MARK2: variants seen among roughly 807,000 people sequenced by gnomAD.
MARK2 encodes serine/threonine-protein kinase MARK2.
A neutral mutation model predicts 89.8 loss-of-function variants in MARK2; 16 were observed. That is an observed-to-expected ratio of 0.18 (90% CI 0.12 to 0.27). The LOEUF is 0.27. MARK2 is among the 10% of genes least tolerant of loss of function. The pLI, the probability that MARK2 is intolerant of heterozygous loss-of-function variation, is 1.00. For missense variants in MARK2, 621 were observed against 1,049.9 expected (o/e 0.59, Z 5.65); for synonymous variants, 382 against 399.5 (o/e 0.96, Z 0.52).
At chr11:63,874,877 T>TGA (rs1285583599) in intron 1 of MARK2, among the ~76,000 whole-genome samples, 1 of 152,150 alleles carries the variant, frequency 6.6e-6, no homozygotes, top group African/African-American at 2.4e-5. Context: ...GGAGTGTGTG[T>TGA]GAGGCCTTAG....
At chr11:63,892,872 G>A (rs577890473) in intron 1 of MARK2, among the ~76,000 whole-genome samples, 3 of 150,918 alleles carry the variant, frequency 2.0e-5, no homozygotes, top group African/African-American at 4.9e-5. Context: ...TGGGACTATA[G>A]GTGCATGCCA....
rs1940796834 is a variant in MARK2, at chr11:63,900,768, T to C, written c.889-12T>C. 4.3e-6 allele frequency: 7 copies of C among 1,614,066 alleles called. No individual in the cohort carries two copies. In the East Asian group the frequency reaches 1.6e-4, roughly 36 times the overall value. The stretch of plus-strand genomic sequence containing the variant: ...TCTTCCCCCTGCCCTTTTCCTTCTC[T>C]GTGCTCCCCAGCAAATCATGAAAGA... On this transcript the variant is annotated splice_polypyrimidine_tract_variant and intron_variant, in intron 9 of 18. Transcript: ENST00000402010. The surrounding 1 kb of genome is among the most constrained non-coding windows in gnomAD (Gnocchi z 4.7).
At chr11:63,881,397 G>T (rs1389649821) in intron 1 of MARK2, among the ~76,000 whole-genome samples, 2 of 152,174 alleles carry the variant, frequency 1.3e-5, no homozygotes, top group Non-Finnish European at 2.9e-5. Flanking sequence ...CGAATGCCTC[G>T]AAAGAGGGGA....
At chr11:63,859,351 G>T (rs1430391805) in intron 1 of MARK2, among the ~76,000 whole-genome samples, 1 of 148,532 alleles carries the variant, frequency 6.7e-6, no homozygotes, top group African/African-American at 2.5e-5. Flanking sequence ...AAGGAGTCCT[G>T]CTCTGTCACG....
chr11:63,895,914 C>T (rs894519623), intron 3 of MARK2, among the ~76,000 whole-genome samples: 1 of 152,122 alleles, frequency 6.6e-6, no homozygotes, highest in African/African-American at 2.4e-5. Context: ...AAGTGATCCG[C>T]TCGCCTCGGC....
chr11:63,884,646 G>A (rs1323071651), intron 1 of MARK2, among the ~76,000 whole-genome samples: 1 of 152,220 alleles, frequency 6.6e-6, no homozygotes, highest in Non-Finnish European at 1.5e-5. Flanking sequence ...AAAGGAATAT[G>A]GCTGTTTCTC....
chr11:63,864,114 C>T lies in MARK2; in HGVS notation c.54+24554C>T, dbSNP rs181153392. On this transcript the variant is annotated intron_variant, in intron 1 of 18. Transcript: ENST00000402010. ...GACTACAGGCGCCCGCCACCACTCC[C>T]GGCTAATTTTTTTGTATTTTTAGTA... is the stretch of plus-strand genomic sequence containing the variant. Among the ~76,000 whole-genome samples, 1,364 of 151,810 alleles carry T rather than the reference C, an allele frequency of 9.0e-3. 26 individuals carry two copies. The highest frequency in any genetic ancestry group is 0.03 in the African/African-American group (1,229 of 41,388).
At chr11:63,871,058 G>A (rs74709458) in intron 1 of MARK2, among the ~76,000 whole-genome samples, 114 of 152,332 alleles carry the variant, frequency 7.5e-4, no homozygotes, top group African/African-American at 2.6e-3. Context: ...ACATGTATAT[G>A]TGTATATACC....
At position 63,900,912 on chromosome 11, in the gene MARK2, GC is replaced by G. The variant is rs1323380672; in HGVS notation, c.988+35del. On this transcript the variant is annotated intron_variant, in intron 10 of 18. Coordinates refer to ENST00000402010, the MANE Select transcript of MARK2 (RefSeq NM_001039469.3). This position sits in a 1 kb window ranked among gnomAD's most constrained non-coding sequence, Gnocchi z 4.7. ...TGTGCCGGGCTGTGAGGTTAAGCTT[GC>G]CTAGGAGTTGAGGCCAGTCTTAACT... The G allele has an allele frequency of 6.2e-7, 1 of 1,612,952 alleles. No individual in the cohort carries two copies. Among genetic ancestry groups the G allele is most frequent in the Non-Finnish European group, 8.5e-7 (1 of 1,178,898 alleles).
chr11:63,890,049 CA>C (rs1939708665), intron 1 of MARK2, among the ~76,000 whole-genome samples: 1 of 152,034 alleles, frequency 6.6e-6, no homozygotes, highest in Admixed American at 6.5e-5. Context: ...CAGCCAGAAC[CA>C]AAAAAGAGAA....
chr11:63,902,924 C>A lies in MARK2; in HGVS notation c.1417-137C>A. Reference sequence around the variant, plus strand: ...GAAGCCTCGCTCCCAGCAGTAAATGCAGAATCCTTTCCTTAACCTACCACT... The same window carrying A: ...GAAGCCTCGCTCCCAGCAGTAAATGAAGAATCCTTTCCTTAACCTACCACT... On this transcript the variant is annotated intron_variant, in intron 13 of 18. Transcript: ENST00000402010. The surrounding 1 kb of genome is among the most constrained non-coding windows in gnomAD (Gnocchi z 4.2). 1 of 1,041,918 alleles carries A rather than the reference C, an allele frequency of 9.6e-7. No individual in the cohort carries two copies. The highest frequency in any genetic ancestry group is 1.5e-6 in the Non-Finnish European group (1 of 682,488). 64.5% of individuals were successfully genotyped at this position (1,041,918 alleles called of 1,614,324 possible).
At chr11:63,839,858 T>C (rs576334313) in intron 1 of MARK2, among the ~76,000 whole-genome samples, 16 of 152,162 alleles carry the variant, frequency 1.1e-4, no homozygotes, top group Admixed American at 5.9e-4. Context: ...CCTTTTTCTC[T>C]CAGGGGCCTT....
rs2015872756 is a variant in MARK2, at chr11:63,839,154, C to T, written c.-353C>T. On this transcript the variant is annotated 5_prime_UTR_variant, in exon 1 of 19. Transcript: ENST00000402010. ...TTGGGAGCAGCAGGTCCGGCGGCGG[C>T]TGCCTGTGTGCCGGGCGCGGAGCAG... is the stretch of plus-strand genomic sequence containing the variant. 1.0e-5 allele frequency: 2 copies of T among 199,264 alleles called. No homozygotes were observed. Among genetic ancestry groups the T allele is most frequent in the Non-Finnish European group, 2.0e-5 (2 of 100,276 alleles). 12.3% of individuals were successfully genotyped at this position (199,264 alleles called of 1,614,324 possible).
At chr11:63,899,823 G>GC (rs1459977140) in intron 7 of MARK2, 51 bp from the exon 8 acceptor site, 1 of 1,220,564 alleles carries the variant, frequency 8.2e-7, no homozygotes, top group Non-Finnish European at 1.2e-6. Flanking sequence ...CCTGCCCAGG[G>GC]CCTTAGTCTG....
At chr11:63,891,194 T>C (rs1656047038) in intron 1 of MARK2, among the ~76,000 whole-genome samples, 1 of 152,060 alleles carries the variant, frequency 6.6e-6, no homozygotes, top group Non-Finnish European at 1.5e-5. Flanking sequence ...GCTCAAGCTA[T>C]CCTCCTGCCT....
At chr11:63,868,296 G>A (rs367998030) in intron 1 of MARK2, among the ~76,000 whole-genome samples, 10 of 152,020 alleles carry the variant, frequency 6.6e-5, no homozygotes, top group Admixed American at 2.0e-4. Flanking sequence ...GGAGGCAGAG[G>A]TGGGAGGATT....
At chr11:63,890,362 T>C (rs1939745000) in intron 1 of MARK2, 2 of 974,504 alleles carry the variant, frequency 2.1e-6, no homozygotes, top group Non-Finnish European at 2.9e-6. Context: ...GAAAAGGGGG[T>C]TGGTGACTTT....
chr11:63,901,085 C>A lies in MARK2; in HGVS notation c.1101+16C>A, dbSNP rs224174. 1 of 1,564,406 alleles carries A rather than the reference C, an allele frequency of 6.4e-7. No individual in the cohort carries two copies. Among genetic ancestry groups the A allele is most frequent in the Non-Finnish European group, 8.8e-7 (1 of 1,134,714 alleles). ...GAGCTCCGAGGTGTGTGCTCCCCGC[C>A]CCATTCTCTGACCTGGCCAGCCTCA... On this transcript the variant is annotated intron_variant, in intron 11 of 18. Transcript: ENST00000402010.
chr11:63,851,624 G>A (rs1024444499), intron 1 of MARK2, among the ~76,000 whole-genome samples: 6 of 151,806 alleles, frequency 4.0e-5, no homozygotes, highest in African/African-American at 9.7e-5. Context: ...CTGTTTCTGT[G>A]CCCTGTTTAT....
Sources: gnomAD v4.1 joint callset for allele counts (sites outside exome capture counted in the v4.1 genomes callset) on GRCh38, gnomAD v4.1.1 for gene constraint, Gnocchi (gnomAD v3.1) non-coding constraint, MANE v1.5 for transcripts, NCBI Gene and HGNC (gene_info 2026-07-23, HGNC 2026-07-21) for gene names.